The following C10orf90 variants were observed in gnomAD, a reference collection of about 807,000 sequenced individuals.
C10orf90 encodes (E2-independent) E3 ubiquitin-conjugating enzyme FATS.
In C10orf90, 56 loss-of-function variants were observed where a neutral mutation model predicts 62.5. The ratio of observed to expected loss-of-function variants is 0.90; its 90% CI spans 0.72 to 1.12. The LOEUF is 1.12. Among genes scored for constraint, C10orf90 ranks in the 50% most tolerant of loss-of-function variants. The pLI is 0.00. For synonymous variants in C10orf90, 386 were observed against 340.4 expected, an observed-to-expected ratio of 1.13 and a Z score of -1.47; for missense variants, 970 against 880.4, an observed-to-expected ratio of 1.10 and a Z score of -1.29.
intron 2 of C10orf90, among the ~76,000 whole-genome samples, chr10:126,632,014 A>G (rs549306322): frequency 1.8e-4 from 28 of 152,250 alleles, no homozygotes; most frequent in Admixed American, 3.3e-4. Context: ...GAGCAGCCCC[A>G]GAATCCCAAC....
intron 2 of C10orf90, among the ~76,000 whole-genome samples, chr10:126,584,921 C>T (rs1844829578): frequency 6.6e-6 from 1 of 152,008 alleles, no homozygotes; most frequent in Admixed American, 6.6e-5. Flanking sequence ...CCTAAAAGTA[C>T]ACACAGACAC....
intron 2 of C10orf90, among the ~76,000 whole-genome samples, chr10:126,565,712 C>G (rs998466375): frequency 8.6e-5 from 13 of 152,036 alleles, no homozygotes; most frequent in African/African-American, 2.9e-4. Flanking sequence ...CATCCCCATG[C>G]AAGAACTCTC....
chr10:126,665,752 G>T (rs1277140442), intron 1 of C10orf90, among the ~76,000 whole-genome samples: 1 of 152,150 alleles, frequency 6.6e-6, no homozygotes, highest in Non-Finnish European at 1.5e-5. Flanking sequence ...CTGAGCCTGG[G>T]GTCTTTGCTG....
At position 126,552,713 on chromosome 10, in the gene C10orf90, G is replaced by A. The variant is rs149806724; in HGVS notation, c.314-38774C>T. On this transcript the variant is annotated intron_variant, in intron 2 of 9. Coordinates refer to ENST00000488181, the MANE Select transcript of C10orf90 (RefSeq NM_001350921.2). ...AGGAAATGCTGCAGCAGTACCTGCCGCGCATATGCGCAAAGGCAGAGGACG... is the reference window on the plus strand; with the variant it reads ...AGGAAATGCTGCAGCAGTACCTGCCACGCATATGCGCAAAGGCAGAGGACG... Among the ~76,000 whole-genome samples the A allele has an allele frequency of 2.7e-4, 41 of 152,356 alleles. No individual in the cohort carries two copies. In the South Asian group the frequency reaches 5.4e-3, roughly 20 times the overall value.
At chr10:126,568,108 G>A (rs1289744229) in intron 2 of C10orf90, among the ~76,000 whole-genome samples, 2 of 152,122 alleles carry the variant, frequency 1.3e-5, no homozygotes, top group Admixed American at 1.3e-4. Context: ...CAGCCAGAGG[G>A]AGGAGGCAGT....
chr10:126,532,751 G>A (rs1864128809), intron 2 of C10orf90, among the ~76,000 whole-genome samples: 2 of 144,874 alleles, frequency 1.4e-5, no homozygotes, highest in Non-Finnish European at 3.0e-5. Context: ...GCAGGAGAAT[G>A]GCGTGAACCC....
At chr10:126,431,523 G>A (rs1423179511) in intron 7 of C10orf90, among the ~76,000 whole-genome samples, 1 of 152,198 alleles carries the variant, frequency 6.6e-6, no homozygotes, top group Non-Finnish European at 1.5e-5. Context: ...AAAAGGAAAT[G>A]TCAGCTTCCA....
chr10:126,587,668 G>C (rs529498443), intron 2 of C10orf90, among the ~76,000 whole-genome samples: 6 of 152,324 alleles, frequency 3.9e-5, no homozygotes, highest in African/African-American at 1.2e-4. Flanking sequence ...TGCTCTGCTA[G>C]AGCCTTAGAG....
At chr10:126,445,805 G>GTATATATATATATATATATATA (rs71029302) in intron 7 of C10orf90, among the ~76,000 whole-genome samples, 24 of 100,742 alleles carry the variant, frequency 2.4e-4, no homozygotes, top group East Asian at 1.1e-3. Flanking sequence ...AAACTGTGGT[G>GTATATATATATATATATATATA]TATATATATA....
chr10:126,428,068 C>A (rs1857362177), intron 8 of C10orf90, among the ~76,000 whole-genome samples: 1 of 152,036 alleles, frequency 6.6e-6, no homozygotes, highest in Non-Finnish European at 1.5e-5. Flanking sequence ...ACAGTCAAAA[C>A]CGACAAAGAA....
At chr10:126,652,475 ATG>A (rs1350325023) in intron 1 of C10orf90, among the ~76,000 whole-genome samples, 18 of 152,082 alleles carry the variant, frequency 1.2e-4, no homozygotes, top group South Asian at 8.3e-4. Context: ...TGATATGAAA[ATG>A]AGATGAATCA....
At chr10:126,580,510 A>C (rs1191914932) in intron 2 of C10orf90, among the ~76,000 whole-genome samples, 1 of 152,048 alleles carries the variant, frequency 6.6e-6, no homozygotes, top group African/African-American at 2.4e-5. Flanking sequence ...AAAATCAGCC[A>C]GGCGCAGTGG....
intron 1 of C10orf90, among the ~76,000 whole-genome samples, chr10:126,667,569 C>T (rs1463377722): frequency 1.3e-5 from 2 of 152,116 alleles, no homozygotes; most frequent in Non-Finnish European, 2.9e-5. Flanking sequence ...CTGCACCTAC[C>T]ATCAGAAAGG....
In C10orf90 at chr10:126,426,047, GTTC is replaced by G; in HGVS notation, c.2293_2295del (p.Glu765del). 1.2e-6 allele frequency: 2 copies of G among 1,614,130 alleles called. No individual in the cohort carries two copies. Among genetic ancestry groups the G allele is most frequent in the East Asian group, 2.2e-5 (1 of 44,880 alleles). On this transcript the variant is annotated inframe_deletion, in exon 9 of 10. Coordinates refer to ENST00000488181, the MANE Select transcript of C10orf90 (RefSeq NM_001350921.2). ...CTTTGTAAGATCACCCTTTTCCTTT[GTTC>G]TTCTTTTTTCTTTTTAACTTCCGGC...
At chr10:126,659,887 G>A (rs866640394) in intron 1 of C10orf90, among the ~76,000 whole-genome samples, 67 of 152,138 alleles carry the variant, frequency 4.4e-4, no homozygotes, top group African/African-American at 1.3e-3. Flanking sequence ...AACACATACC[G>A]CATGCACTTC....
At chr10:126,465,856 A>G (rs1447673168) in intron 4 of C10orf90, among the ~76,000 whole-genome samples, 1 of 152,230 alleles carries the variant, frequency 6.6e-6, no homozygotes, top group Admixed American at 6.5e-5. Context: ...AAGATACATT[A>G]TCTAATGAGC....
At chr10:126,608,521 G>A (rs941546860) in intron 2 of C10orf90, among the ~76,000 whole-genome samples, 7 of 152,096 alleles carry the variant, frequency 4.6e-5, no homozygotes, top group Admixed American at 2.0e-4. Context: ...AATTCCACTC[G>A]TTTTGGTGTA....
intron 1 of C10orf90, among the ~76,000 whole-genome samples, chr10:126,657,194 C>A (rs1463669232): frequency 2.0e-5 from 3 of 152,128 alleles, no homozygotes; most frequent in Non-Finnish European, 4.4e-5. Flanking sequence ...CCATTTAAAT[C>A]ATTTTCAAGT....
chr10:126,503,247 C>G (rs989643078), intron 4 of C10orf90, among the ~76,000 whole-genome samples: 2 of 152,138 alleles, frequency 1.3e-5, no homozygotes, highest in Non-Finnish European at 1.5e-5. Context: ...GGTGCAGAGT[C>G]CTCAGGGCAA....
Sources: gnomAD v4.1 joint callset for allele counts (sites outside exome capture counted in the v4.1 genomes callset) on GRCh38, gnomAD v4.1.1 for gene constraint, MANE v1.5 for transcripts, NCBI Gene and HGNC (gene_info 2026-07-23, HGNC 2026-07-21) for gene names.